The following PRKAR1B variants were observed in gnomAD, a reference collection of about 807,000 sequenced individuals.
PRKAR1B encodes cAMP-dependent protein kinase type I-beta regulatory subunit.
PRKAR1B carries 22 observed loss-of-function variants against 46.5 expected under a neutral mutation model. The ratio of observed to expected loss-of-function variants is 0.47; its 90% confidence interval spans 0.34 to 0.68. PRKAR1B has a LOEUF of 0.68. Among genes scored for constraint, PRKAR1B ranks in the 30% least tolerant of loss-of-function variants. PRKAR1B has a pLI of 0.01. For synonymous variants in PRKAR1B, 259 were observed against 217.7 expected (o/e 1.19, Z -1.67); for missense variants, 445 against 535.6 (o/e 0.83, Z 1.67).
chr7:703,990 G>A (rs1341781920), intron 2 of PRKAR1B, among the ~76,000 whole-genome samples: 1 of 151,984 alleles, frequency 6.6e-6, no homozygotes, highest in Non-Finnish European at 1.5e-5. Flanking sequence ...GAAATCTCAA[G>A]GTAAAATGGA....
At chr7:611,662 G>C (rs901868163) in intron 4 of PRKAR1B, among the ~76,000 whole-genome samples, 1 of 152,246 alleles carries the variant, frequency 6.6e-6, no homozygotes, top group Non-Finnish European at 1.5e-5. Context: ...CCCAGCCCGG[G>C]TCTGACGCAG....
At position 721,375 on chromosome 7, in the gene PRKAR1B, G is replaced by A. The variant is rs561696423; in HGVS notation, c.-23+5835C>T. On this transcript the variant is annotated intron_variant, in intron 1 of 10. Transcript: ENST00000537384. Reference sequence around the variant, plus strand: ...AAAATTATCTTTCTGGGCCGGGCACGGTGGCTCACGCCTGTAATCCCAGCA... The same window carrying A: ...AAAATTATCTTTCTGGGCCGGGCACAGTGGCTCACGCCTGTAATCCCAGCA... Among the ~76,000 whole-genome samples the A allele has an allele frequency of 2.3e-3, 357 of 152,276 alleles. 2 individuals are homozygous for A. The highest frequency in any genetic ancestry group is 7.8e-3 in the African/African-American group (326 of 41,558).
chr7:670,457 C>T (rs1432903531), intron 4 of PRKAR1B, among the ~76,000 whole-genome samples: 1 of 152,244 alleles, frequency 6.6e-6, no homozygotes, highest in Non-Finnish European at 1.5e-5. Context: ...AGCTAGGCGG[C>T]CTGGGCCTCT....
intron 4 of PRKAR1B, among the ~76,000 whole-genome samples, chr7:616,716 C>T (rs1203503277): frequency 6.6e-6 from 1 of 152,234 alleles, no homozygotes; most frequent in African/African-American, 2.4e-5. Context: ...TCCCTCCACA[C>T]CCAGCTCTAA....
intron 9 of PRKAR1B, among the ~76,000 whole-genome samples, chr7:573,148 G>A (rs1416510423): frequency 6.6e-6 from 1 of 152,176 alleles, no homozygotes; most frequent in Non-Finnish European, 1.5e-5. Flanking sequence ...GCACCCCGGG[G>A]TCACACTGAC....
At chr7:559,858 T>C (rs1277498797) in intron 9 of PRKAR1B, among the ~76,000 whole-genome samples, 4 of 152,230 alleles carry the variant, frequency 2.6e-5, no homozygotes, top group Non-Finnish European at 5.9e-5. Flanking sequence ...GGAAGATTCC[T>C]TGAGCCCAGG....
intron 4 of PRKAR1B, among the ~76,000 whole-genome samples, chr7:657,337 G>A (rs558045904): frequency 6.6e-6 from 1 of 151,662 alleles, no homozygotes; most frequent in Admixed American, 6.6e-5. Context: ...GGATGCATGA[G>A]TGAATGTGTG....
intron 4 of PRKAR1B, among the ~76,000 whole-genome samples, chr7:611,111 A>G (rs964313129): frequency 6.6e-6 from 1 of 152,266 alleles, no homozygotes; most frequent in Non-Finnish European, 1.5e-5. Context: ...ATAAGGAAAC[A>G]AGACACAAAG....
At chr7:682,628 C>T (rs1472835028) in intron 2 of PRKAR1B, among the ~76,000 whole-genome samples, 1 of 151,978 alleles carries the variant, frequency 6.6e-6, no homozygotes, top group Admixed American at 6.6e-5. Flanking sequence ...ACCTGTAGTC[C>T]CAGCTACTCC....
chr7:632,416 C>T (rs929581186), intron 4 of PRKAR1B, among the ~76,000 whole-genome samples: 9 of 152,300 alleles, frequency 5.9e-5, no homozygotes, highest in African/African-American at 1.9e-4. Flanking sequence ...CACAGCCCCC[C>T]GAGCCGCAGG....
upstream of PRKAR1B, among the ~76,000 whole-genome samples, chr7:728,736 C>T (rs1239597776): frequency 2.0e-5 from 3 of 152,326 alleles, no homozygotes; most frequent in Non-Finnish European, 4.4e-5. Context: ...GCGCAGCCTG[C>T]TGGGGTATGT....
intron 4 of PRKAR1B, among the ~76,000 whole-genome samples, chr7:626,943 C>T (rs754591231): frequency 2.0e-5 from 3 of 152,128 alleles, no homozygotes; most frequent in East Asian, 1.9e-4. Flanking sequence ...GGCGTGATCT[C>T]GGCTCACTGC....
At chr7:611,866 G>C (rs1472357876) in intron 4 of PRKAR1B, among the ~76,000 whole-genome samples, 1 of 151,570 alleles carries the variant, frequency 6.6e-6, no homozygotes, top group East Asian at 1.9e-4. Context: ...TAGATGAATC[G>C]ATGGATGGAT....
At chr7:555,003 T>C (rs1003561782) in intron 9 of PRKAR1B, among the ~76,000 whole-genome samples, 1 of 152,152 alleles carries the variant, frequency 6.6e-6, no homozygotes, top group Non-Finnish European at 1.5e-5. Flanking sequence ...GAGGCTGCCG[T>C]GGCTCCGGGA....
At chr7:562,640 C>T (rs1056206539) in intron 9 of PRKAR1B, among the ~76,000 whole-genome samples, 1 of 152,254 alleles carries the variant, frequency 6.6e-6, no homozygotes, top group Non-Finnish European at 1.5e-5. Flanking sequence ...GCCCCTCCAT[C>T]TGCCTGGTCA....
At chr7:686,332 C>T (rs1779097484) in intron 2 of PRKAR1B, among the ~76,000 whole-genome samples, 1 of 151,376 alleles carries the variant, frequency 6.6e-6, no homozygotes. Flanking sequence ...TTAAAGAATA[C>T]AGTTCACAAT....
At position 666,304 on chromosome 7, in the gene PRKAR1B, C is replaced by T. The variant is rs780855736; in HGVS notation, c.440+10925G>A. On this transcript the variant is annotated intron_variant, in intron 4 of 10. Coordinates refer to ENST00000537384, the MANE Select transcript of PRKAR1B (RefSeq NM_001164760.2). This position sits in a 1 kb window ranked among gnomAD's most constrained non-coding sequence, Gnocchi z 4.9. ...TGCGGGGCTGCTTCCCTGGGACACA[C>T]GCTCCAGGGACAGCCTTCATGGTCC... Among the ~76,000 whole-genome samples, 8 of 137,872 alleles carry T rather than the reference C, an allele frequency of 5.8e-5. No homozygotes were observed. The highest frequency in any genetic ancestry group is 2.2e-4 in the South Asian group (1 of 4,646). 90.4% of individuals were successfully genotyped at this position (137,872 alleles called of 152,430 possible). A position where few individuals can be genotyped will look rare whatever the true frequency, so the allele number is the denominator to read the frequency against.
In PRKAR1B at chr7:654,606, CCAT is replaced by C. The variant is rs1258033080; in HGVS notation, c.440+22620_440+22622del. Among the ~76,000 whole-genome samples the C allele has an allele frequency of 2.6e-5, 4 of 151,434 alleles. No homozygotes were observed. In the East Asian group the frequency reaches 5.9e-4, roughly 22 times the overall value. ...ACCATCTTCACCACCTTCACCATCA[CCAT>C]CATCACCATCCTCATCACCTTCATC... On this transcript the variant is annotated intron_variant, in intron 4 of 10. Transcript: ENST00000537384.
At position 605,588 on chromosome 7, in the gene PRKAR1B, G is replaced by C. The variant is rs538326599; in HGVS notation, c.549+605C>G. Among the ~76,000 whole-genome samples the C allele has an allele frequency of 4.6e-5, 7 of 152,298 alleles. No homozygotes were observed. The East Asian group carries it at 1.3e-3, about 29-fold the overall frequency. ...CACATACACATGGCCTGGCCATCGG[G>C]CACGAGACGGGGTCTCCAGCGGAGG... is the stretch of plus-strand genomic sequence containing the variant. On this transcript the variant is annotated intron_variant, in intron 6 of 10. Transcript: ENST00000537384.
Sources: allele counts gnomAD v4.1 joint callset (sites outside exome capture counted in the v4.1 genomes callset), GRCh38; gene constraint gnomAD v4.1.1; non-coding constraint Gnocchi (gnomAD v3.1); transcripts MANE v1.5; gene names NCBI Gene and HGNC (gene_info 2026-07-23, HGNC 2026-07-21).